FEZF2: variants seen among roughly 807,000 people sequenced by gnomAD.
The protein encoded by FEZF2 is FEZ family zinc finger 2.
In FEZF2, 2 loss-of-function variants were observed where a neutral mutation model predicts 32.8. The ratio of observed to expected loss-of-function variants is 0.06; its 90% CI spans 0.02 to 0.19. The LOEUF (loss-of-function observed/expected upper bound fraction) is 0.19, where lower values mean the gene tolerates loss of function less well. FEZF2 is among the 10% of genes least tolerant of loss of function. The pLI, the probability that FEZF2 is intolerant of heterozygous loss-of-function variation, is 1.00. For missense variants in FEZF2, 516 were observed against 625.4 expected, an observed-to-expected ratio of 0.83 and a Z score of 1.87; for synonymous variants, 322 against 284.8, an observed-to-expected ratio of 1.13 and a Z score of -1.32.
Position 62,370,204 on chromosome 3 carries a change from G to C in FEZF2, c.1259C>G (p.Ala420Gly). 1 of 1,614,188 alleles carries C rather than the reference G, an allele frequency of 6.2e-7. No individual in the cohort carries two copies. Among genetic ancestry groups the C allele is most frequent in the South Asian group, 1.1e-5 (1 of 91,082 alleles). ...TCTGCAAAACCCTTTGCCGCAAGTG[G>C]CGCACGTGAAAGGCTTCTTGTCGTT... ...THNDKKPFTC[A>G]TCGKGFCRNF... The change falls in exon 5 of 5, where the codon GCC (alanine) becomes GGC (glycine). Residue 420 changes from alanine (A) to glycine (G), a missense_variant. Transcript: ENST00000283268. This position sits in a 1 kb window ranked among gnomAD's most constrained non-coding sequence, Gnocchi z 4.2.
intron 2 of FEZF2, 28 bp downstream of exon 2, chr3:62,371,989 G>GCC (rs1170877595): frequency 2.9e-5 from 46 of 1,592,256 alleles, no homozygotes; most frequent in Non-Finnish European, 3.8e-5. Context: ...GCCCCTCCCG[G>GCC]CCCCCCTCGC....
chr3:62,372,177 G>A lies in FEZF2; in HGVS notation c.692C>T (p.Pro231Leu), dbSNP rs747400568. ...LAADKFPHPA[P>L]YPHKERLPAP... is the part of the protein sequence containing the mutation. ...CGGCAAGCGCTCCTTATGGGGATAG[G>A]GAGCCGGGTGGGGGAACTTGTCCGC... Residue 231 changes from proline to leucine, a missense_variant, in exon 2 of 5, where the codon CCC (proline) becomes CTC (leucine). Coordinates refer to ENST00000283268, the MANE Select transcript of FEZF2 (RefSeq NM_018008.4). The surrounding 1 kb of genome is among the most constrained non-coding windows in gnomAD (Gnocchi z 9.6). 1 of 1,583,504 alleles carries A rather than the reference G, an allele frequency of 6.3e-7. No individual in the cohort carries two copies. Among genetic ancestry groups the A allele is most frequent in the South Asian group, 1.1e-5 (1 of 87,164 alleles).
At position 62,372,979 on chromosome 3, in the gene FEZF2, C is replaced by A; in HGVS notation, c.-58-53G>T. The A allele has an allele frequency of 9.1e-7, 1 of 1,093,742 alleles. No individual in the cohort carries two copies. Among genetic ancestry groups the A allele is most frequent in the South Asian group, 2.4e-5 (1 of 42,506 alleles). 67.8% of individuals were successfully genotyped at this position (1,093,742 alleles called of 1,614,324 possible). On this transcript the variant is annotated intron_variant, in intron 1 of 4. Coordinates refer to ENST00000283268, the MANE Select transcript of FEZF2 (RefSeq NM_018008.4). This position sits in a 1 kb window ranked among gnomAD's most constrained non-coding sequence, Gnocchi z 9.6. ...AACTGCAATTTAATAAGCACCTAGT[C>A]GGGCCCGGGTCACCCATTTGCATTC... is the stretch of plus-strand genomic sequence containing the variant.
chr3:62,371,383 G>A (rs1704266268), intron 3 of FEZF2, 34 bp from the exon 4 acceptor site: 2 of 1,603,514 alleles, frequency 1.2e-6, no homozygotes, highest in South Asian at 1.1e-5. Flanking sequence ...GTAAGGAGAG[G>A]CCACCTCGGG....
At position 62,370,852 on chromosome 3, in the gene FEZF2, C is replaced by T. The variant is rs901557207; in HGVS notation, c.1120+365G>A. On this transcript the variant is annotated intron_variant, in intron 4 of 4. Coordinates refer to ENST00000283268, the MANE Select transcript of FEZF2 (RefSeq NM_018008.4). The surrounding 1 kb of genome is among the most constrained non-coding windows in gnomAD (Gnocchi z 4.2). ...GGTTTCCCCCAATCTTAGATTGTTC[C>T]CGGGAGGGTTATTTTGCCTCCAATA... 9.6e-4 allele frequency among the ~76,000 whole-genome samples: 147 copies of T among 152,348 alleles called. No individual in the cohort carries two copies. Among genetic ancestry groups the T allele is most frequent in the African/African-American group, 3.2e-3 (134 of 41,586 alleles).
chr3:62,371,420 C>A, intron 3 of FEZF2, 71 bp from the exon 4 acceptor site: 1 of 1,585,044 alleles, frequency 6.3e-7, no homozygotes, highest in Non-Finnish European at 8.6e-7. Context: ...ATCCCCCCCA[C>A]CCCCACTCAA....
chr3:62,372,946 G>A lies in FEZF2; in HGVS notation c.-58-20C>T. ...CTAAGTCTGCATTCCGGAAAAGGCA[G>A]GGGGGAAAACTGCAATTTAATAAGC... On this transcript the variant is annotated intron_variant, in intron 1 of 4. Transcript: ENST00000283268. This position sits in a 1 kb window ranked among gnomAD's most constrained non-coding sequence, Gnocchi z 9.6. 7.7e-7 allele frequency: 1 copy of A among 1,300,504 alleles called. No individual in the cohort carries two copies. The highest frequency in any genetic ancestry group is 9.9e-7 in the Non-Finnish European group (1 of 1,013,144). The allele number at this position is 1,300,504 out of a possible 1,614,324, so 80.6% of individuals were successfully genotyped here.
At chr3:62,371,498 G>T (rs370956396) in intron 3 of FEZF2, 35 bp downstream of exon 3, 16 of 1,593,684 alleles carry the variant, frequency 1.0e-5, no homozygotes, top group Non-Finnish European at 1.4e-5. Context: ...TCTGGGGGTT[G>T]CGCGCGGGCT....
chr3:62,372,512 T>A lies in FEZF2; in HGVS notation c.357A>T (p.Pro119=). 1 of 1,330,654 alleles carries A rather than the reference T, an allele frequency of 7.5e-7. No individual in the cohort carries two copies. The highest frequency in any genetic ancestry group is 9.6e-7 in the Non-Finnish European group (1 of 1,041,046). 82.4% of individuals were successfully genotyped at this position (1,330,654 alleles called of 1,614,324 possible). Residue 119 remains proline, a synonymous_variant, in exon 2 of 5, where the codon CCA becomes CCT. Coordinates refer to ENST00000283268, the MANE Select transcript of FEZF2 (RefSeq NM_018008.4). The surrounding 1 kb of genome is among the most constrained non-coding windows in gnomAD (Gnocchi z 9.6). ...GGGGGGGGGA[P]VCGASGLCKT... Reference sequence around the variant, plus strand: ...TGCACAAGCCGCTGGCGCCGCACACTGGGGCCCCCCCGCCGCCGCCGCCGC... The same window carrying A: ...TGCACAAGCCGCTGGCGCCGCACACAGGGGCCCCCCCGCCGCCGCCGCCGC...
chr3:62,372,062 G>A lies in FEZF2; in HGVS notation c.807C>T (p.Ser269=), dbSNP rs748465607. 5 of 1,609,172 alleles carry A rather than the reference G, an allele frequency of 3.1e-6. No homozygotes were observed. The highest frequency in any genetic ancestry group is 4.2e-6 in the Non-Finnish European group (5 of 1,179,092). The stretch of plus-strand genomic sequence containing the variant: ...TGAAGTTTTTGGGCTTGCCATCTGC[G>A]GAGCCTCCTGGCAGCTTGCTGTGGC... ...VKGHSKLPGG[S]ADGKPKNFTC... Residue 269 remains serine, a synonymous_variant, in exon 2 of 5, where the codon TCC becomes TCT. Coordinates refer to ENST00000283268, the MANE Select transcript of FEZF2 (RefSeq NM_018008.4). The surrounding 1 kb of genome is among the most constrained non-coding windows in gnomAD (Gnocchi z 9.6).
Position 62,372,480 on chromosome 3 carries a change from T to C in FEZF2, c.389A>G (p.Asn130Ser), listed in dbSNP as rs778837022. 1.5e-5 allele frequency: 23 copies of C among 1,577,340 alleles called. No homozygotes were observed. The East Asian group carries it at 2.2e-4, about 15-fold the overall frequency. Residue 130 changes from asparagine to serine, a missense_variant, in exon 2 of 5, where the codon AAC becomes AGC. Physicochemically the swap from Asn to Ser is conservative, Grantham distance 46. Coordinates refer to ENST00000283268, the MANE Select transcript of FEZF2 (RefSeq NM_018008.4). This position sits in a 1 kb window ranked among gnomAD's most constrained non-coding sequence, Gnocchi z 9.6. ...CTCGGCCTTGCAGCACACGCCACAG[T>C]TGGTTTTGCACAAGCCGCTGGCGCC... ...VCGASGLCKTNCGVCCKAELG... is the reference protein window; with the variant it reads ...VCGASGLCKTSCGVCCKAELG...
At chr3:62,371,492 G>A in intron 3 of FEZF2, 41 bp downstream of exon 3, 1 of 1,592,354 alleles carries the variant, frequency 6.3e-7, no homozygotes, top group Non-Finnish European at 8.6e-7. Context: ...TAAGATTCTG[G>A]GGGTTGCGCG....
rs1164510033 is a variant in FEZF2, at chr3:62,372,820, G to T, written c.49C>A (p.Arg17Ser). ...GAAGTGGCCGGCGACGCTCCGGCGC[G>T]CGGGCAGGCCGGGGGCACCATGGTC... Reference protein sequence around the residue: ...LETMVPPACPRAGASPATSKT... With the variant: ...LETMVPPACPSAGASPATSKT... The change falls in exon 2 of 5, where the codon CGC becomes AGC. Residue 17 changes from arginine to serine, a missense_variant. Coordinates refer to ENST00000283268, the MANE Select transcript of FEZF2 (RefSeq NM_018008.4). This position sits in a 1 kb window ranked among gnomAD's most constrained non-coding sequence, Gnocchi z 9.6. The T allele has an allele frequency of 6.5e-7, 1 of 1,527,780 alleles. No individual in the cohort carries two copies. The highest frequency in any genetic ancestry group is 1.9e-5 in the Admixed American group (1 of 51,984). 94.6% of individuals were successfully genotyped at this position (1,527,780 alleles called of 1,614,324 possible).
In FEZF2 at chr3:62,370,442, A is replaced by C; in HGVS notation, c.1121-100T>G. On this transcript the variant is annotated intron_variant, in intron 4 of 4. Coordinates refer to ENST00000283268, the MANE Select transcript of FEZF2 (RefSeq NM_018008.4). The surrounding 1 kb of genome is among the most constrained non-coding windows in gnomAD (Gnocchi z 4.2). ...GGCAGCCCAGGTGCCTGCTCAAAAA[A>C]GGCGACGCTTGGCTAGGCGGGCGCG... 3 of 1,317,138 alleles carry C rather than the reference A, an allele frequency of 2.3e-6. No individual in the cohort carries two copies. Among genetic ancestry groups the C allele is most frequent in the Non-Finnish European group, 3.2e-6 (3 of 949,296 alleles). 81.6% of individuals were successfully genotyped at this position (1,317,138 alleles called of 1,614,324 possible).
Position 62,370,308 on chromosome 3 carries a change from G to A in FEZF2, c.1155C>T (p.Gly385=). The change falls in exon 5 of 5, where the codon GGC becomes GGT. Residue 385 remains glycine (G), a synonymous_variant. Coordinates refer to ENST00000283268, the MANE Select transcript of FEZF2 (RefSeq NM_018008.4). The surrounding 1 kb of genome is among the most constrained non-coding windows in gnomAD (Gnocchi z 4.2). The stretch of plus-strand genomic sequence containing the variant: ...AGATGGTACATTTGTACTGCTTCTC[G>A]CCGCTGTGGGTCAGCTTGTGGTTCT... ...NYKNHKLTHS[G]EKQYKCTICN... is the part of the protein sequence containing the mutation. The A allele has an allele frequency of 1.9e-6, 3 of 1,614,198 alleles. No homozygotes were observed. The highest frequency in any genetic ancestry group is 2.2e-5 in the East Asian group (1 of 44,890).
Position 62,370,409 on chromosome 3 carries a change from G to A in FEZF2, c.1121-67C>T. On this transcript the variant is annotated intron_variant, in intron 4 of 4. Coordinates refer to ENST00000283268, the MANE Select transcript of FEZF2 (RefSeq NM_018008.4). This position sits in a 1 kb window ranked among gnomAD's most constrained non-coding sequence, Gnocchi z 4.2. ...GAATGGTGGGGAGGAAGAGGCGGGCGTCCCAGGGGCAGCCCAGGTGCCTGC... is the reference window on the plus strand; with the variant it reads ...GAATGGTGGGGAGGAAGAGGCGGGCATCCCAGGGGCAGCCCAGGTGCCTGC... 2 of 1,562,812 alleles carry A rather than the reference G, an allele frequency of 1.3e-6. No homozygotes were observed. Among genetic ancestry groups the A allele is most frequent in the Non-Finnish European group, 1.7e-6 (2 of 1,144,002 alleles).
chr3:62,372,183 G>A lies in FEZF2; in HGVS notation c.686C>T (p.Pro229Leu), dbSNP rs866117731. ...AGLAADKFPH[P>L]APYPHKERLP... is the part of the protein sequence containing the mutation. ...GCGCTCCTTATGGGGATAGGGAGCC[G>A]GGTGGGGGAACTTGTCCGCAGCCAG... Residue 229 changes from proline to leucine, a missense_variant, in exon 2 of 5, where the codon CCG (proline) becomes CTG (leucine). Around this residue, in one of 3 missense-constraint regions of FEZF2, gnomAD observed 408 missense variants for 382.2 expected, o/e 1.07. Transcript: ENST00000283268. The surrounding 1 kb of genome is among the most constrained non-coding windows in gnomAD (Gnocchi z 9.6). The A allele has an allele frequency of 1.3e-6, 2 of 1,581,902 alleles. No homozygotes were observed. The highest frequency in any genetic ancestry group is 1.8e-5 in the Admixed American group (1 of 54,998).
At chr3:62,371,082 A>T in intron 4 of FEZF2, 135 bp downstream of exon 4, 1 of 1,343,108 alleles carries the variant, frequency 7.4e-7, no homozygotes, top group Non-Finnish European at 1.0e-6. Context: ...GCACAACCCG[A>T]TTCTAAAGAA....
At position 62,372,898 on chromosome 3, in the gene FEZF2, G is replaced by A. The variant is rs1167183061; in HGVS notation, c.-30C>T. On this transcript the variant is annotated 5_prime_UTR_variant, in exon 2 of 5. Coordinates refer to ENST00000283268, the MANE Select transcript of FEZF2 (RefSeq NM_018008.4). This position sits in a 1 kb window ranked among gnomAD's most constrained non-coding sequence, Gnocchi z 9.6. Reference sequence around the variant, plus strand: ...CGCGGAGCTGAGCCGAGCCAGGCTGGGCCAGGGCGCAGCCTCTCTCCTCTA... The same window carrying A: ...CGCGGAGCTGAGCCGAGCCAGGCTGAGCCAGGGCGCAGCCTCTCTCCTCTA... The A allele has an allele frequency of 7.3e-7, 1 of 1,369,902 alleles. No homozygotes were observed. Among genetic ancestry groups the A allele is most frequent in the African/African-American group, 1.5e-5 (1 of 66,290 alleles). The allele number at this position is 1,369,902 out of a possible 1,614,324, so 84.9% of individuals were successfully genotyped here.
Sources: allele counts gnomAD v4.1 joint callset (sites outside exome capture counted in the v4.1 genomes callset), GRCh38; gene constraint gnomAD v4.1.1; regional missense constraint gnomAD v4.1.1; non-coding constraint Gnocchi (gnomAD v3.1); transcripts MANE v1.5; gene names NCBI Gene and HGNC (gene_info 2026-07-23, HGNC 2026-07-21).